SLC35F1: variants seen among roughly 807,000 people sequenced by gnomAD.
SLC35F1 encodes chromosome 6 open reading frame 169.
Under a neutral mutation model 48.7 loss-of-function variants are expected in SLC35F1, and 14 were observed. The observed-to-expected ratio is 0.29, with a 90% CI of 0.19 to 0.45. The LOEUF (loss-of-function observed/expected upper bound fraction) is 0.45, where lower values mean the gene tolerates loss of function less well. SLC35F1 is among the 20% of genes least tolerant of loss of function. SLC35F1 has a pLI of 1.00. For synonymous variants in SLC35F1, 190 were observed against 202.2 expected, an observed-to-expected ratio of 0.94 and a Z score of 0.51; for missense variants, 404 against 500.0, an observed-to-expected ratio of 0.81 and a Z score of 1.83.
chr6:118,246,961 T>TA (rs1562338462), intron 3 of SLC35F1, among the ~76,000 whole-genome samples: 4 of 152,206 alleles, frequency 2.6e-5, no homozygotes, highest in African/African-American at 9.6e-5. Context: ...ATCCATATGA[T>TA]AGTCAGATGG....
chr6:118,124,436 G>C (rs940350142), intron 1 of SLC35F1, among the ~76,000 whole-genome samples: 1 of 152,050 alleles, frequency 6.6e-6, no homozygotes, highest in Non-Finnish European at 1.5e-5. Flanking sequence ...TTCAGTCTTG[G>C]AGCCCAAGAG....
intron 1 of SLC35F1, among the ~76,000 whole-genome samples, chr6:117,997,177 A>T (rs527506297): frequency 6.6e-6 from 1 of 152,198 alleles, no homozygotes; most frequent in African/African-American, 2.4e-5. Flanking sequence ...GGTATCAGTG[A>T]TGGAAGATGA....
intron 2 of SLC35F1, among the ~76,000 whole-genome samples, chr6:118,190,589 CA>C (rs1214950501): frequency 6.6e-6 from 1 of 152,194 alleles, no homozygotes; most frequent in Non-Finnish European, 1.5e-5. Context: ...CATGGTCACA[CA>C]TTTCTTTCAG....
At chr6:118,221,059 T>C (rs1775140556) in intron 2 of SLC35F1, among the ~76,000 whole-genome samples, 1 of 152,136 alleles carries the variant, frequency 6.6e-6, no homozygotes, top group South Asian at 2.1e-4. Context: ...ATAATTCAAA[T>C]TATGTCCTCT....
intron 1 of SLC35F1, among the ~76,000 whole-genome samples, chr6:117,978,854 T>C (rs528126706): frequency 6.6e-6 from 1 of 152,348 alleles, no homozygotes; most frequent in South Asian, 2.1e-4. Context: ...ATTCTTCATG[T>C]GTCTGAAATT....
At chr6:118,091,129 C>A (rs149206380) in intron 1 of SLC35F1, among the ~76,000 whole-genome samples, 8 of 152,304 alleles carry the variant, frequency 5.3e-5, no homozygotes, top group African/African-American at 1.9e-4. Flanking sequence ...AGATGAAGAA[C>A]ATGTTTGGAT....
chr6:118,028,400 T>C (rs1771988862), intron 1 of SLC35F1, among the ~76,000 whole-genome samples: 3 of 152,036 alleles, frequency 2.0e-5, no homozygotes, highest in African/African-American at 7.2e-5. Flanking sequence ...TAGGGCTATG[T>C]GGAAAACTGG....
At chr6:118,110,304 C>T (rs920584493) in intron 1 of SLC35F1, among the ~76,000 whole-genome samples, 1 of 152,102 alleles carries the variant, frequency 6.6e-6, no homozygotes, top group Non-Finnish European at 1.5e-5. Flanking sequence ...GACAGCTATA[C>T]ACAGAGAACC....
chr6:118,035,869 T>G (rs1242068420), intron 1 of SLC35F1, among the ~76,000 whole-genome samples: 1 of 151,456 alleles, frequency 6.6e-6, no homozygotes, highest in Non-Finnish European at 1.5e-5. Flanking sequence ...TTTTTTGTAT[T>G]TTTTAGTAGA....
At chr6:118,242,176 C>T (rs1458574397) in intron 3 of SLC35F1, among the ~76,000 whole-genome samples, 2 of 152,212 alleles carry the variant, frequency 1.3e-5, no homozygotes, top group Non-Finnish European at 1.5e-5. Context: ...TACCATTTTA[C>T]ATTCCTACCA....
intron 1 of SLC35F1, among the ~76,000 whole-genome samples, chr6:118,030,267 G>T (rs1168857868): frequency 2.0e-5 from 3 of 152,160 alleles, no homozygotes; most frequent in Non-Finnish European, 4.4e-5. Context: ...GTTTGTTTCT[G>T]GCAGCACTTG....
At chr6:118,286,277 A>G (rs1487290059) in intron 7 of SLC35F1, among the ~76,000 whole-genome samples, 1 of 152,178 alleles carries the variant, frequency 6.6e-6, no homozygotes, top group Non-Finnish European at 1.5e-5. Context: ...TATTACAGCC[A>G]CCATCCGCAG....
At chr6:117,949,847 G>C (rs1333151232) in intron 1 of SLC35F1, among the ~76,000 whole-genome samples, 1 of 152,118 alleles carries the variant, frequency 6.6e-6, no homozygotes, top group Non-Finnish European at 1.5e-5. Flanking sequence ...TTTACTCTCT[G>C]TCTCGGGGAT....
At chr6:118,071,216 ATG>A in intron 1 of SLC35F1, among the ~76,000 whole-genome samples, 2 of 147,266 alleles carry the variant, frequency 1.4e-5, no homozygotes, top group Middle Eastern at 3.7e-3. Flanking sequence ...TATATATACT[ATG>A]TGTATATATT....
chr6:118,279,032 C>T (rs1775950949), intron 6 of SLC35F1, among the ~76,000 whole-genome samples: 1 of 152,200 alleles, frequency 6.6e-6, no homozygotes, highest in Non-Finnish European at 1.5e-5. Context: ...AAAAGGAACA[C>T]ATTACAGAGC....
intron 6 of SLC35F1, among the ~76,000 whole-genome samples, chr6:118,279,921 T>A (rs1385471518): frequency 6.6e-6 from 1 of 152,248 alleles, no homozygotes; most frequent in Non-Finnish European, 1.5e-5. Flanking sequence ...TGCCATTTTA[T>A]CAAAGTGGAA....
At chr6:117,931,252 T>A (rs1538455) in intron 1 of SLC35F1, among the ~76,000 whole-genome samples, 103,846 of 152,044 alleles carry the variant, frequency 0.68, 36,596 homozygotes, top group South Asian at 0.87. Context: ...AAATATCTTT[T>A]AAAAAACTAC....
chr6:117,951,240 A>G (rs562053566), intron 1 of SLC35F1, among the ~76,000 whole-genome samples: 27 of 152,350 alleles, frequency 1.8e-4, no homozygotes, highest in African/African-American at 5.5e-4. Flanking sequence ...AATTCAAAAA[A>G]GGAAGGGCTT....
At chr6:118,068,351 G>A (rs1463321150) in intron 1 of SLC35F1, among the ~76,000 whole-genome samples, 1 of 152,160 alleles carries the variant, frequency 6.6e-6, no homozygotes, top group Non-Finnish European at 1.5e-5. Flanking sequence ...CCGCAGTATG[G>A]TTTCTGTGAA....
Sources: allele counts gnomAD v4.1 joint callset (sites outside exome capture counted in the v4.1 genomes callset), GRCh38; gene constraint gnomAD v4.1.1; transcripts MANE v1.5; gene names NCBI Gene and HGNC (gene_info 2026-07-23, HGNC 2026-07-21).